KLHL42: variants seen among roughly 807,000 people sequenced by gnomAD.
KLHL42 encodes the protein kelch like family member 42.
A neutral mutation model predicts 32.7 loss-of-function variants in KLHL42; 27 were observed. That is an observed-to-expected ratio of 0.83 (90% confidence interval 0.61 to 1.14). The LOEUF (loss-of-function observed/expected upper bound fraction) is 1.14. KLHL42 is among the 50% of genes most tolerant of loss of function. The probability of loss-of-function intolerance (pLI) is 0.00; values close to 1 mark genes in which losing one functional copy is unlikely to be tolerated. For missense variants in KLHL42, 491 were observed against 560.8 expected (o/e 0.88, Z 1.26); for synonymous variants, 267 against 248.2 (o/e 1.08, Z -0.71).
chr12:27,785,797 G>T (rs1007388208), intron 1 of KLHL42, among the ~76,000 whole-genome samples: 1 of 151,892 alleles, frequency 6.6e-6, no homozygotes, highest in Non-Finnish European at 1.5e-5. Context: ...CTTAAAATAC[G>T]TGTTTTCTTT....
chr12:27,784,670 C>T (rs897428315), intron 1 of KLHL42, among the ~76,000 whole-genome samples: 4 of 152,136 alleles, frequency 2.6e-5, no homozygotes, highest in East Asian at 1.9e-4. Flanking sequence ...TGGTTGCTCC[C>T]GCCAAATTGC....
At chr12:27,786,225 C>A (rs1033770705) in intron 1 of KLHL42, among the ~76,000 whole-genome samples, 1 of 152,128 alleles carries the variant, frequency 6.6e-6, no homozygotes, top group African/African-American at 2.4e-5. Flanking sequence ...ACATTTCCCC[C>A]CTTCTTTAAA....
At chr12:27,786,579 C>T (rs1477975319) in intron 1 of KLHL42, among the ~76,000 whole-genome samples, 1 of 152,146 alleles carries the variant, frequency 6.6e-6, no homozygotes, top group Non-Finnish European at 1.5e-5. Context: ...CTTTGATTCA[C>T]CTTTGTCGGA....
chr12:27,783,774 C>T (rs572376613), intron 1 of KLHL42, among the ~76,000 whole-genome samples: 12 of 151,874 alleles, frequency 7.9e-5, no homozygotes, highest in Admixed American at 6.6e-4. Flanking sequence ...TTAGTAGAGA[C>T]GGGGTTTCAC....
chr12:27,781,967 C>T (rs1283599476), intron 1 of KLHL42, among the ~76,000 whole-genome samples: 1 of 152,038 alleles, frequency 6.6e-6, no homozygotes, highest in Admixed American at 6.6e-5. Context: ...GAAGGAATAT[C>T]AAAACAAGAG....
chr12:27,781,743 C>T (rs1017056770), intron 1 of KLHL42, among the ~76,000 whole-genome samples: 2 of 152,078 alleles, frequency 1.3e-5, no homozygotes, highest in Admixed American at 6.6e-5. Flanking sequence ...TATTTTTTAT[C>T]CTCTCTTTTG....
At chr12:27,797,547 A>G (rs1440959224) in intron 2 of KLHL42, among the ~76,000 whole-genome samples, 168 bp from the exon 3 acceptor site, 3 of 152,090 alleles carry the variant, frequency 2.0e-5, no homozygotes, top group Non-Finnish European at 4.4e-5. Flanking sequence ...GGATCTAAAT[A>G]TATCTCTTCC....
At chr12:27,786,411 A>G (rs557122649) in intron 1 of KLHL42, among the ~76,000 whole-genome samples, 5 of 152,300 alleles carry the variant, frequency 3.3e-5, no homozygotes, top group African/African-American at 9.6e-5. Context: ...GAAGTTTAAA[A>G]TTGAGTTTAG....
rs1338821532 is a variant in KLHL42 at position 27,801,394 on chromosome 12, G to A, written c.*3228G>A. 1 of 152,198 alleles carries A rather than the reference G, an allele frequency of 6.6e-6. No homozygotes were observed. The highest frequency in any genetic ancestry group is 1.5e-5 in the Non-Finnish European group (1 of 68,050). 9.4% of individuals were successfully genotyped at this position (152,198 alleles called of 1,614,324 possible). On this transcript the variant is annotated 3_prime_UTR_variant, in exon 3 of 3. Transcript: ENST00000381271. ...ATGTGTTTTCAGATTTCCAGGTGAA[G>A]TTCTGACCCTACCTGTTTGGCCAAA...
In KLHL42 at chr12:27,801,587, C is replaced by T. The variant is rs2062247772; in HGVS notation, c.*3421C>T. The T allele has an allele frequency of 6.6e-6, 1 of 152,176 alleles. No individual in the cohort carries two copies. Among genetic ancestry groups the T allele is most frequent in the African/African-American group, 2.4e-5 (1 of 41,422 alleles). The allele number at this position is 152,176 out of a possible 1,614,324, so 9.4% of individuals were successfully genotyped here. On this transcript the variant is annotated 3_prime_UTR_variant, in exon 3 of 3. Coordinates refer to ENST00000381271, the MANE Select transcript of KLHL42 (RefSeq NM_020782.2). ...GAATGGGGAATATATAACACCTGTG[C>T]CACCGCTCTTTTAAGGAGGCATTAT...
chr12:27,800,928 G>A lies in KLHL42; in HGVS notation c.*2762G>A, dbSNP rs991068693. 1 of 152,160 alleles carries A rather than the reference G, an allele frequency of 6.6e-6. No homozygotes were observed. The highest frequency in any genetic ancestry group is 1.5e-5 in the Non-Finnish European group (1 of 68,038). The allele number at this position is 152,160 out of a possible 1,614,324, so 9.4% of individuals were successfully genotyped here. The stretch of plus-strand genomic sequence containing the variant: ...CCAGAAGCACCCTATTTTATAGATA[G>A]CAGTCTGAATGGTAGAGAGTCCTGT... On this transcript the variant is annotated 3_prime_UTR_variant, in exon 3 of 3. Coordinates refer to ENST00000381271, the MANE Select transcript of KLHL42 (RefSeq NM_020782.2).
intron 2 of KLHL42, among the ~76,000 whole-genome samples, chr12:27,796,937 C>T (rs1036700474): frequency 2.6e-5 from 4 of 152,146 alleles, no homozygotes; most frequent in South Asian, 2.1e-4. Flanking sequence ...CATGCTTGGC[C>T]GAAAATCATT....
At chr12:27,785,577 C>T (rs1249781911) in intron 1 of KLHL42, among the ~76,000 whole-genome samples, 1 of 152,108 alleles carries the variant, frequency 6.6e-6, no homozygotes, top group Non-Finnish European at 1.5e-5. Context: ...TCTGCTTTGA[C>T]TCAGGTATGA....
At position 27,800,171 on chromosome 12, in the gene KLHL42, G is replaced by T; in HGVS notation, c.*2005G>T. The T allele has an allele frequency of 1.0e-6, 1 of 985,380 alleles. No individual in the cohort carries two copies. The highest frequency in any genetic ancestry group is 1.2e-6 in the Non-Finnish European group (1 of 829,918). The allele number at this position is 985,380 out of a possible 1,614,324, so 61.0% of individuals were successfully genotyped here. On this transcript the variant is annotated 3_prime_UTR_variant, in exon 3 of 3. Coordinates refer to ENST00000381271, the MANE Select transcript of KLHL42 (RefSeq NM_020782.2). ...TGGACAAACAGTTGGAGATTAGTTT[G>T]CAAATAAGCATATCATATCAAATAC...
At chr12:27,783,526 C>T (rs1300799845) in intron 1 of KLHL42, among the ~76,000 whole-genome samples, 1 of 152,074 alleles carries the variant, frequency 6.6e-6, no homozygotes, top group Non-Finnish European at 1.5e-5. Flanking sequence ...TCCATTTAAC[C>T]ATATCTGAGA....
chr12:27,801,756 GAATT>G lies in KLHL42; in HGVS notation c.*3593_*3596del, dbSNP rs1236063238. ...CCCTGCCTTAGACAGAGGAGTGAAA[GAATT>G]AAGTGGGTAGACACCAACCAAAATG... On this transcript the variant is annotated 3_prime_UTR_variant, in exon 3 of 3. Coordinates refer to ENST00000381271, the MANE Select transcript of KLHL42 (RefSeq NM_020782.2). The G allele has an allele frequency of 6.6e-5, 10 of 152,230 alleles. No individual in the cohort carries two copies. The highest frequency in any genetic ancestry group is 3.9e-4 in the Admixed American group (6 of 15,288). The allele number at this position is 152,230 out of a possible 1,614,324, so 9.4% of individuals were successfully genotyped here. A position where few individuals can be genotyped will look rare whatever the true frequency, so the allele number is the denominator to read the frequency against.
intron 1 of KLHL42, among the ~76,000 whole-genome samples, chr12:27,788,712 T>TA: frequency 6.6e-6 from 1 of 152,270 alleles, no homozygotes; most frequent in East Asian, 1.9e-4. Context: ...GCTCTCCTTT[T>TA]AAAAAAAATT....
In KLHL42 at chr12:27,780,572, G is replaced by C. The variant is rs1263631483; in HGVS notation, c.242G>C (p.Gly81Ala). 2 of 1,538,584 alleles carry C rather than the reference G, an allele frequency of 1.3e-6. No homozygotes were observed. The highest frequency in any genetic ancestry group is 4.6e-5 in the East Asian group (2 of 43,940). The change falls in exon 1 of 3, where the codon GGC becomes GCC. Residue 81 changes from glycine to alanine, a missense_variant. This residue lies in a region of KLHL42 where 248 missense variants were observed against 329.2 expected (regional missense o/e 0.75). Transcript: ENST00000381271. This position sits in a 1 kb window ranked among gnomAD's most constrained non-coding sequence, Gnocchi z 8.8. The stretch of plus-strand genomic sequence containing the variant: ...GGGGCCCGCGAAGGCTGGCTCCTGG[G>C]CCCGCGCGGGGAAAAGGGCGGCGGG... ...AGGAREGWLL[G>A]PRGEKGGGVD...
At chr12:27,791,342 TG>T (rs1245819285) in intron 1 of KLHL42, among the ~76,000 whole-genome samples, 1 of 152,138 alleles carries the variant, frequency 6.6e-6, no homozygotes, top group Non-Finnish European at 1.5e-5. Context: ...TGAAAGACAA[TG>T]GGGTGATGTG....
Sources: allele counts gnomAD v4.1 joint callset (sites outside exome capture counted in the v4.1 genomes callset), GRCh38; gene constraint gnomAD v4.1.1; regional missense constraint gnomAD v4.1.1; non-coding constraint Gnocchi (gnomAD v3.1); transcripts MANE v1.5; gene names NCBI Gene and HGNC (gene_info 2026-07-23, HGNC 2026-07-21).